The following CSMD1 variants were observed in gnomAD, a reference collection of about 807,000 sequenced individuals.
CSMD1 encodes the protein CUB and sushi domain-containing protein 1.
In CSMD1, 213 loss-of-function variants were observed where a neutral mutation model predicts 417.5. The ratio of observed to expected loss-of-function variants is 0.51; its 90% CI spans 0.46 to 0.57. CSMD1 has a LOEUF of 0.57. Ranked by LOEUF, CSMD1 falls within the 20% of genes least tolerant of loss-of-function variation. The pLI is 0.00. For missense variants in CSMD1, 6,923 were observed against 4,529.7 expected (o/e 1.53, Z -15.17); for synonymous variants, 2,862 against 1,736.8 (o/e 1.65, Z -16.11).
intron 1 of CSMD1, among the ~76,000 whole-genome samples, chr8:4,907,362 C>A (rs2117072323): frequency 6.6e-6 from 1 of 152,256 alleles, no homozygotes; most frequent in East Asian, 1.9e-4. Flanking sequence ...GCTTGGGCTC[C>A]TAAATGAGAA....
intron 3 of CSMD1, among the ~76,000 whole-genome samples, chr8:4,075,873 T>A (rs1280825522): frequency 1.3e-5 from 2 of 152,154 alleles, no homozygotes; most frequent in African/African-American, 2.4e-5. Context: ...TCATATCTGT[T>A]CTAGCCCAGA....
At chr8:3,321,149 G>C (rs534592858) in intron 23 of CSMD1, among the ~76,000 whole-genome samples, 17 of 152,202 alleles carry the variant, frequency 1.1e-4, no homozygotes, top group Admixed American at 2.6e-4. Context: ...CCCACCATCA[G>C]GTGGGTCGAA....
intron 3 of CSMD1, among the ~76,000 whole-genome samples, chr8:4,168,226 C>G (rs939186186): frequency 2.6e-5 from 4 of 151,174 alleles, no homozygotes; most frequent in African/African-American, 9.7e-5. Flanking sequence ...CACATATATA[C>G]ACAAACACAC....
chr8:4,877,718 A>C (rs1051662316), intron 1 of CSMD1, among the ~76,000 whole-genome samples: 1 of 152,086 alleles, frequency 6.6e-6, no homozygotes, highest in Admixed American at 6.6e-5. Context: ...TTATCTTTAA[A>C]GAGGAAGACA....
At chr8:4,218,944 T>A (rs1800855847) in intron 3 of CSMD1, among the ~76,000 whole-genome samples, 1 of 152,178 alleles carries the variant, frequency 6.6e-6, no homozygotes, top group South Asian at 2.1e-4. Context: ...CTCTGAGCAA[T>A]GCTATTTTTT....
intron 2 of CSMD1, among the ~76,000 whole-genome samples, chr8:4,613,032 GC>G (rs1330765059): frequency 1.3e-5 from 2 of 152,142 alleles, no homozygotes; most frequent in African/African-American, 4.8e-5. Flanking sequence ...GTGTAAGGGG[GC>G]TAGAGGAACT....
chr8:4,303,858 T>G (rs1798112390), intron 3 of CSMD1, among the ~76,000 whole-genome samples: 1 of 152,090 alleles, frequency 6.6e-6, no homozygotes, highest in Admixed American at 6.6e-5. Flanking sequence ...GGTTTCACTA[T>G]GTTGCCCAGG....
At chr8:3,187,584 T>C (rs10216696) in intron 36 of CSMD1, among the ~76,000 whole-genome samples, 13,867 of 152,144 alleles carry the variant, frequency 0.091, 801 homozygotes, top group Admixed American at 0.13. Flanking sequence ...TACCTCACAT[T>C]ACTATTCCTG....
At chr8:3,903,487 G>A (rs904845063) in intron 5 of CSMD1, among the ~76,000 whole-genome samples, 6 of 152,048 alleles carry the variant, frequency 3.9e-5, no homozygotes, top group Non-Finnish European at 7.4e-5. Context: ...TGGTATTATC[G>A]ACAGCAGAGA....
At chr8:4,270,031 G>T (rs1159644154) in intron 3 of CSMD1, among the ~76,000 whole-genome samples, 1 of 152,116 alleles carries the variant, frequency 6.6e-6, no homozygotes, top group Non-Finnish European at 1.5e-5. Flanking sequence ...GCAGTGTATT[G>T]TTGTTTTATG....
At chr8:4,204,364 G>T (rs1489987122) in intron 3 of CSMD1, among the ~76,000 whole-genome samples, 4 of 151,804 alleles carry the variant, frequency 2.6e-5, no homozygotes, top group Non-Finnish European at 5.9e-5. Context: ...TGAGCAAACT[G>T]ACAACATCAT....
intron 18 of CSMD1, among the ~76,000 whole-genome samples, chr8:3,372,902 T>G (rs187996045): frequency 2.6e-5 from 4 of 152,052 alleles, no homozygotes; most frequent in African/African-American, 9.7e-5. Context: ...CACCGCGTAG[T>G]GGGAAGAAAA....
intron 4 of CSMD1, among the ~76,000 whole-genome samples, chr8:4,015,733 T>C (rs997812272): frequency 2.7e-5 from 4 of 149,826 alleles, no homozygotes; most frequent in Non-Finnish European, 5.9e-5. Context: ...TGAAAAATAC[T>C]GACAATGTGT....
At chr8:4,470,073 T>G (rs900846552) in intron 2 of CSMD1, among the ~76,000 whole-genome samples, 18 of 151,954 alleles carry the variant, frequency 1.2e-4, no homozygotes, top group African/African-American at 4.1e-4. Flanking sequence ...GGTTTCACCG[T>G]GTTAGCCAGG....
At chr8:3,926,350 T>C (rs1809727123) in intron 5 of CSMD1, among the ~76,000 whole-genome samples, 1 of 152,118 alleles carries the variant, frequency 6.6e-6, no homozygotes, top group South Asian at 2.1e-4. Context: ...TTATCTTATC[T>C]TATTTTATGT....
intron 42 of CSMD1, among the ~76,000 whole-genome samples, chr8:3,111,236 T>A (rs1413680391): frequency 6.6e-6 from 1 of 152,178 alleles, no homozygotes; most frequent in Admixed American, 6.5e-5. Flanking sequence ...AAAAGTTTAG[T>A]AACAAATGAG....
At chr8:4,617,220 T>C (rs1353226483) in intron 2 of CSMD1, among the ~76,000 whole-genome samples, 7 of 152,166 alleles carry the variant, frequency 4.6e-5, no homozygotes, top group African/African-American at 1.4e-4. Context: ...TTTATACAAA[T>C]AGTGAATAAA....
At chr8:4,748,015 A>G (rs550213220) in intron 1 of CSMD1, among the ~76,000 whole-genome samples, 17 of 152,342 alleles carry the variant, frequency 1.1e-4, no homozygotes, top group Admixed American at 6.5e-4. Flanking sequence ...TAAGTTATCC[A>G]TCTTCCAAAC....
intron 23 of CSMD1, 115 bp downstream of exon 23, chr8:3,343,179 A>T: frequency 2.3e-6 from 2 of 867,102 alleles, no homozygotes; most frequent in Non-Finnish European, 3.6e-6. Context: ...AACTGCAATC[A>T]AAAACACAGT....
Sources: gnomAD v4.1 joint callset for allele counts (sites outside exome capture counted in the v4.1 genomes callset) on GRCh38, gnomAD v4.1.1 for gene constraint, MANE v1.5 for transcripts, NCBI Gene and HGNC (gene_info 2026-07-23, HGNC 2026-07-21) for gene names.